The following SLX4IP variants were observed in gnomAD, a reference collection of about 807,000 sequenced individuals.
SLX4IP encodes SLX4 interacting protein, also known as protein SLX4IP.
Under a neutral mutation model 32.9 loss-of-function variants are expected in SLX4IP, and 34 were observed. The ratio of observed to expected loss-of-function variants is 1.03; its 90% CI spans 0.79 to 1.38. SLX4IP has a LOEUF of 1.38. SLX4IP is among the 40% of genes most tolerant of loss of function. The pLI is 0.00. For synonymous variants in SLX4IP, 172 were observed against 171.7 expected (o/e 1.00, Z -0.01); for missense variants, 444 against 479.0 (o/e 0.93, Z 0.68).
intron 6 of SLX4IP, among the ~76,000 whole-genome samples, chr20:10,604,399 C>CTTTTTTTTTTT (rs1423858409): frequency 9.3e-5 from 14 of 151,214 alleles, no homozygotes; most frequent in South Asian, 6.3e-4. Flanking sequence ...TTTCCTTCAT[C>CTTTTTTTTTTT]TTTTTTTTTG....
At chr20:10,579,511 T>C (rs1159102779) in intron 4 of SLX4IP, among the ~76,000 whole-genome samples, 1 of 151,726 alleles carries the variant, frequency 6.6e-6, no homozygotes, top group Admixed American at 6.6e-5. Flanking sequence ...CGCTGCAACC[T>C]CCGCCTCCCA....
intron 2 of SLX4IP, among the ~76,000 whole-genome samples, chr20:10,538,198 G>A (rs187858520): frequency 2.0e-5 from 3 of 152,236 alleles, no homozygotes; most frequent in African/African-American, 7.2e-5. Context: ...TTGACCCAGG[G>A]CCATTTGTAC....
rs368982061 is a variant in SLX4IP, at chr20:10,599,454, C to T, written c.316+702C>T. Among the ~76,000 whole-genome samples, 5 of 152,014 alleles carry T rather than the reference C, an allele frequency of 3.3e-5. No individual in the cohort carries two copies. In the South Asian group the frequency reaches 6.2e-4, roughly 19 times the overall value. On this transcript the variant is annotated intron_variant, in intron 5 of 7. Coordinates refer to ENST00000334534, the MANE Select transcript of SLX4IP (RefSeq NM_001009608.3). ...TGCTGTTATTTGTTTGTTTTTGAGACAAGTTCTCACTCTGTCACTCAGGCT... is the reference window on the plus strand; with the variant it reads ...TGCTGTTATTTGTTTGTTTTTGAGATAAGTTCTCACTCTGTCACTCAGGCT...
At chr20:10,490,933 C>T (rs760953881) in intron 2 of SLX4IP, among the ~76,000 whole-genome samples, 3 of 152,146 alleles carry the variant, frequency 2.0e-5, no homozygotes, top group Non-Finnish European at 4.4e-5. Context: ...CTCACACCCT[C>T]ACAGGGGGGT....
intron 4 of SLX4IP, among the ~76,000 whole-genome samples, chr20:10,589,588 A>G (rs147464538): frequency 2.0e-5 from 3 of 152,334 alleles, no homozygotes; most frequent in East Asian, 1.9e-4. Flanking sequence ...AGACCTGGCA[A>G]CCAGGGATCA....
intron 6 of SLX4IP, among the ~76,000 whole-genome samples, chr20:10,611,176 A>T (rs2066962579): frequency 6.6e-6 from 1 of 152,242 alleles, no homozygotes; most frequent in African/African-American, 2.4e-5. Context: ...CTGATAATAT[A>T]TTACACTTTT....
chr20:10,453,702 G>A (rs2065262175), intron 1 of SLX4IP, among the ~76,000 whole-genome samples: 1 of 151,308 alleles, frequency 6.6e-6, no homozygotes, highest in Non-Finnish European at 1.5e-5. Context: ...CTGATCCTTT[G>A]TGTTCTCCAC....
At chr20:10,613,990 C>G in intron 6 of SLX4IP, 2 of 1,227,652 alleles carry the variant, frequency 1.6e-6, no homozygotes, top group South Asian at 2.4e-5. Flanking sequence ...TCATCGTACA[C>G]TGCTCTCTGT....
chr20:10,623,585 T>G lies in SLX4IP; in HGVS notation c.*206T>G. The G allele has an allele frequency of 1.5e-6, 1 of 670,534 alleles. No individual in the cohort carries two copies. Among genetic ancestry groups the G allele is most frequent in the Non-Finnish European group, 2.4e-6 (1 of 415,222 alleles). The allele number at this position is 670,534 out of a possible 1,614,324, so 41.5% of individuals were successfully genotyped here. A position where few individuals can be genotyped will look rare whatever the true frequency, so the allele number is the denominator to read the frequency against. On this transcript the variant is annotated 3_prime_UTR_variant, in exon 8 of 8. Transcript: ENST00000334534. The stretch of plus-strand genomic sequence containing the variant: ...ATATGCTTGTTCTAACAGCGTTGCT[T>G]CTTTATCATTGTATTTTATGACTGT...
rs928663060 is a variant in SLX4IP at position 10,627,823 on chromosome 20, G to A, written c.*4444G>A. ...ATCAGGGAACAGAAGGTGTGAATTG[G>A]ACAGATCCCCCGAATAACTTTCTTC... On this transcript the variant is annotated 3_prime_UTR_variant, in exon 8 of 8. Coordinates refer to ENST00000334534, the MANE Select transcript of SLX4IP (RefSeq NM_001009608.3). 2 of 152,190 alleles carry A rather than the reference G, an allele frequency of 1.3e-5. No homozygotes were observed. The highest frequency in any genetic ancestry group is 6.5e-5 in the Admixed American group (1 of 15,286). 9.4% of individuals were successfully genotyped at this position (152,190 alleles called of 1,614,324 possible).
Position 10,560,815 on chromosome 20 carries a change from TA to T in SLX4IP, c.237del (p.Gly80ValfsTer49). ...AEFTRSNPLS[L>X]KGYGFQITAY... is the part of the protein sequence containing the mutation. ...TTCACAAGATCCAATCCCTTGTCCTTAAAAGGTAGGCACAGAGCACTTTGAT... is the reference window on the plus strand; with the variant it reads ...TTCACAAGATCCAATCCCTTGTCCTTAAAGGTAGGCACAGAGCACTTTGAT... On this transcript the variant is annotated frameshift_variant, in exon 4 of 8. Transcript: ENST00000334534. LOFTEE classifies it high-confidence loss of function. 1 of 1,596,242 alleles carries T rather than the reference TA, an allele frequency of 6.3e-7. No homozygotes were observed. The highest frequency in any genetic ancestry group is 8.5e-7 in the Non-Finnish European group (1 of 1,173,060).
At chr20:10,535,969 A>G (rs1206437655) in intron 2 of SLX4IP, among the ~76,000 whole-genome samples, 1 of 150,096 alleles carries the variant, frequency 6.7e-6, no homozygotes, top group African/African-American at 2.4e-5. Flanking sequence ...ACTGTTTAGA[A>G]AGATGAGCCT....
chr20:10,498,271 C>G (rs769771247), intron 2 of SLX4IP, among the ~76,000 whole-genome samples: 1 of 151,896 alleles, frequency 6.6e-6, no homozygotes, highest in Non-Finnish European at 1.5e-5. Flanking sequence ...TTTCCTGCCT[C>G]CCTGTGTTTA....
At position 10,534,925 on chromosome 20, in the gene SLX4IP, A is replaced by C. The variant is rs79920120; in HGVS notation, c.28-21306A>C. 2.0e-3 allele frequency among the ~76,000 whole-genome samples: 299 copies of C among 152,320 alleles called. 4 individuals carry two copies. The East Asian group carries it at 0.051, about 26-fold the overall frequency. On this transcript the variant is annotated intron_variant, in intron 2 of 7. Transcript: ENST00000334534. ...ATTACGCCTGGATAGAAAGGCGTAA[A>C]ATGCAACTGACTTGGGTGTACCGGG...
At chr20:10,564,661 A>G (rs1029687437) in intron 4 of SLX4IP, among the ~76,000 whole-genome samples, 1 of 152,212 alleles carries the variant, frequency 6.6e-6, no homozygotes, top group Admixed American at 6.5e-5. Context: ...CTGTTTTTCC[A>G]ATTATATGAT....
chr20:10,473,616 T>G (rs983664875), intron 2 of SLX4IP, among the ~76,000 whole-genome samples: 2 of 152,024 alleles, frequency 1.3e-5, no homozygotes, highest in Non-Finnish European at 2.9e-5. Context: ...CTTTTTTTTT[T>G]TTTTGAGACA....
rs1295565593 is a variant in SLX4IP at position 10,627,105 on chromosome 20, C to T, written c.*3726C>T. 4.6e-5 allele frequency: 7 copies of T among 152,346 alleles called. No individual in the cohort carries two copies. In the East Asian group the frequency reaches 1.3e-3, roughly 29 times the overall value. The allele number at this position is 152,346 out of a possible 1,614,324, so 9.4% of individuals were successfully genotyped here. ...TTTCCTTGAATTCCTTCTTGGCAGACCTTACTGTAATATTACACAAAACTG... is the reference window on the plus strand; with the variant it reads ...TTTCCTTGAATTCCTTCTTGGCAGATCTTACTGTAATATTACACAAAACTG... On this transcript the variant is annotated 3_prime_UTR_variant, in exon 8 of 8. Transcript: ENST00000334534.
chr20:10,590,275 A>G (rs1797268340), intron 4 of SLX4IP, among the ~76,000 whole-genome samples: 2 of 152,118 alleles, frequency 1.3e-5, no homozygotes, highest in South Asian at 4.1e-4. Flanking sequence ...TTCTAAAATT[A>G]TATCATCTTT....
At position 10,588,415 on chromosome 20, in the gene SLX4IP, A is replaced by G. The variant is rs559709363; in HGVS notation, c.239-10260A>G. 2.8e-4 allele frequency among the ~76,000 whole-genome samples: 43 copies of G among 152,326 alleles called. 1 individual carries two copies. The South Asian group carries it at 8.7e-3, about 31-fold the overall frequency. On this transcript the variant is annotated intron_variant, in intron 4 of 7. Coordinates refer to ENST00000334534, the MANE Select transcript of SLX4IP (RefSeq NM_001009608.3). ...CATGCTTTTGATGGGAGTGTAAATTAGTACAGCCATTATGGAAAACAGTAT... is the reference window on the plus strand; with the variant it reads ...CATGCTTTTGATGGGAGTGTAAATTGGTACAGCCATTATGGAAAACAGTAT...
Sources: gnomAD v4.1 joint callset for allele counts (sites outside exome capture counted in the v4.1 genomes callset) on GRCh38, gnomAD v4.1.1 for gene constraint, MANE v1.5 for transcripts, NCBI Gene and HGNC (gene_info 2026-07-23, HGNC 2026-07-21) for gene names.